Variants in SPIDR observed in about 807,000 individuals in gnomAD.
SPIDR encodes DNA repair-scaffolding protein.
In SPIDR, 93 loss-of-function variants were observed where a neutral mutation model predicts 104.6. That is an observed-to-expected ratio of 0.89 (90% CI 0.75 to 1.06). The LOEUF (loss-of-function observed/expected upper bound fraction) is 1.06, where lower values mean the gene tolerates loss of function less well. SPIDR is among the 50% of genes least tolerant of loss of function. The probability of loss-of-function intolerance (pLI) is 0.00; values close to 1 mark genes in which losing one functional copy is unlikely to be tolerated. For synonymous variants in SPIDR, 431 were observed against 416.9 expected (o/e 1.03, Z -0.41); for missense variants, 1,154 against 1,111.2 (o/e 1.04, Z -0.55).
At chr8:47,421,885 C>T (rs1025476091) in intron 7 of SPIDR, among the ~76,000 whole-genome samples, 2 of 152,198 alleles carry the variant, frequency 1.3e-5, no homozygotes, top group Non-Finnish European at 2.9e-5. Context: ...ACTCCAGACC[C>T]TGATTGCCTG....
chr8:47,404,348 G>A (rs1014024480), intron 6 of SPIDR, among the ~76,000 whole-genome samples: 11 of 152,224 alleles, frequency 7.2e-5, no homozygotes, highest in East Asian at 3.9e-4. Context: ...AAATTGACAA[G>A]TGGGATCTAA....
At chr8:47,268,835 G>T (rs369067242) in intron 1 of SPIDR, among the ~76,000 whole-genome samples, 45 of 152,104 alleles carry the variant, frequency 3.0e-4, no homozygotes, top group African/African-American at 1.1e-3. Flanking sequence ...TAATTTTTTG[G>T]GTTTTCTGAA....
chr8:47,369,859 C>A (rs1194113173), intron 5 of SPIDR, among the ~76,000 whole-genome samples: 1 of 151,932 alleles, frequency 6.6e-6, no homozygotes, highest in African/African-American at 2.4e-5. Context: ...CCCTTATAGT[C>A]CTATTAAATT....
At chr8:47,283,529 G>C (rs1444139144) in intron 2 of SPIDR, among the ~76,000 whole-genome samples, 1 of 152,152 alleles carries the variant, frequency 6.6e-6, no homozygotes, top group Non-Finnish European at 1.5e-5. Flanking sequence ...AGCAGATGCT[G>C]TTGGAAAAAT....
intron 10 of SPIDR, among the ~76,000 whole-genome samples, chr8:47,609,172 A>AT (rs1345517092): frequency 1.3e-5 from 2 of 151,992 alleles, no homozygotes; most frequent in South Asian, 2.1e-4. Context: ...ATTTGCAAAT[A>AT]TTTTTTCCCA....
chr8:47,301,584 G>T (rs1287371508), intron 5 of SPIDR, among the ~76,000 whole-genome samples: 1 of 148,514 alleles, frequency 6.7e-6, no homozygotes, highest in Admixed American at 6.8e-5. Context: ...GGCTGGTACT[G>T]GTTGTTCCTT....
intron 8 of SPIDR, among the ~76,000 whole-genome samples, chr8:47,504,626 C>G (rs1444334171): frequency 6.6e-6 from 1 of 152,226 alleles, no homozygotes; most frequent in Non-Finnish European, 1.5e-5. Context: ...AAGCCTTCTT[C>G]TCTCAACTCG....
intron 10 of SPIDR, among the ~76,000 whole-genome samples, chr8:47,618,600 TTATTACTATATAC>T (rs1157018776): frequency 6.6e-6 from 1 of 152,206 alleles, no homozygotes; most frequent in Non-Finnish European, 1.5e-5. Flanking sequence ...GGCAAGTAAT[TTATTACTATATAC>T]AAGGCCTTAG....
chr8:47,373,930 A>G (rs2058352345), intron 5 of SPIDR, among the ~76,000 whole-genome samples: 1 of 152,224 alleles, frequency 6.6e-6, no homozygotes, highest in African/African-American at 2.4e-5. Context: ...AGTGCTACAT[A>G]CAGTCAGCCC....
chr8:47,650,850 G>C (rs2071487093), intron 10 of SPIDR, among the ~76,000 whole-genome samples: 1 of 152,058 alleles, frequency 6.6e-6, no homozygotes, highest in Non-Finnish European at 1.5e-5. Context: ...CATAGATTAG[G>C]GGAAGGACAC....
intron 8 of SPIDR, among the ~76,000 whole-genome samples, chr8:47,593,240 A>G (rs1422387841): frequency 6.6e-6 from 1 of 151,740 alleles, no homozygotes; most frequent in East Asian, 1.9e-4. Flanking sequence ...ATATTGGGTA[A>G]TTTTTATTAT....
At chr8:47,699,016 T>TCCATA (rs959992253) in intron 11 of SPIDR, among the ~76,000 whole-genome samples, 3 of 152,244 alleles carry the variant, frequency 2.0e-5, no homozygotes, top group Admixed American at 6.5e-5. Context: ...TGTTTATTTT[T>TCCATA]CTATACTGTA....
intron 10 of SPIDR, among the ~76,000 whole-genome samples, chr8:47,669,633 C>A (rs2075530602): frequency 6.6e-6 from 1 of 152,186 alleles, no homozygotes; most frequent in Non-Finnish European, 1.5e-5. Flanking sequence ...CTTCTCAACA[C>A]AATCAAAAAT....
At chr8:47,492,081 C>T (rs113340596) in intron 8 of SPIDR, among the ~76,000 whole-genome samples, 1 of 151,834 alleles carries the variant, frequency 6.6e-6, no homozygotes, top group African/African-American at 2.4e-5. Flanking sequence ...GAGAAGCCTG[C>T]ATAACTAGAC....
At chr8:47,595,069 C>G (rs1039213739) in intron 8 of SPIDR, among the ~76,000 whole-genome samples, 4 of 152,074 alleles carry the variant, frequency 2.6e-5, no homozygotes, top group Admixed American at 6.6e-5. Context: ...CCTGAGGTCT[C>G]TAGGTTTTAG....
At chr8:47,711,869 C>T (rs148851745) in intron 14 of SPIDR, among the ~76,000 whole-genome samples, 1 of 152,236 alleles carries the variant, frequency 6.6e-6, no homozygotes, top group Non-Finnish European at 1.5e-5. Context: ...CAATGTAGGC[C>T]ACTTCCTTCA....
chr8:47,562,609 G>A (rs1319664069), intron 8 of SPIDR, among the ~76,000 whole-genome samples: 1 of 152,196 alleles, frequency 6.6e-6, no homozygotes, highest in Admixed American at 6.5e-5. Context: ...CTTTGCTGAC[G>A]CTGTTGCTGC....
intron 8 of SPIDR, among the ~76,000 whole-genome samples, chr8:47,468,866 C>T (rs2075280930): frequency 1.3e-5 from 2 of 152,082 alleles, no homozygotes; most frequent in African/African-American, 2.4e-5. Flanking sequence ...AGAGCCTCTG[C>T]ACGGCAAAAG....
chr8:47,261,954 A>T (rs994194849), intron 1 of SPIDR, among the ~76,000 whole-genome samples: 2 of 152,252 alleles, frequency 1.3e-5, no homozygotes, highest in Non-Finnish European at 2.9e-5. Flanking sequence ...TTACTTGATC[A>T]TTGGAGCGTT....
Sources: allele counts gnomAD v4.1 joint callset (sites outside exome capture counted in the v4.1 genomes callset), GRCh38; gene constraint gnomAD v4.1.1; transcripts MANE v1.5; gene names NCBI Gene and HGNC (gene_info 2026-07-23, HGNC 2026-07-21).